Variants in TSPAN6 observed in about 807,000 individuals in gnomAD.
The protein encoded by TSPAN6 is tetraspanin 6.
TSPAN6 carries 13 observed loss-of-function variants against 18.0 expected under a neutral mutation model. The observed-to-expected ratio is 0.72, with a 90% CI of 0.47 to 1.15. The LOEUF is 1.15. Among genes scored for constraint, TSPAN6 ranks in the 50% most tolerant of loss-of-function variants. The pLI is 0.00. For synonymous variants in TSPAN6, 82 were observed against 67.0 expected (o/e 1.22, Z -1.09); for missense variants, 186 against 183.9 (o/e 1.01, Z -0.07).
chrX:100,633,495 A>G lies in TSPAN6; in HGVS notation c.495T>C (p.Thr165=). The change falls in exon 5 of 8, where the codon ACT becomes ACC. Residue 165 remains threonine, a synonymous_variant. Coordinates refer to ENST00000373020, the MANE Select transcript of TSPAN6 (RefSeq NM_003270.4). ...GAAATCCTTTTTCTGAGTAATAATT[A>G]GTATCTGTCCAATCTCTATAATCGG... ...GVTDYRDWTD[T]NYYSEKGFPK... is the part of the protein sequence containing the mutation. The G allele has an allele frequency of 8.3e-7, 1 of 1,207,564 alleles. No homozygotes were observed.
intron 3 of TSPAN6, among the ~76,000 whole-genome samples, 186 bp downstream of exon 3, chrX:100,634,992 A>G (rs1404905826): frequency 8.9e-6 from 1 of 112,550 alleles, no homozygotes; most frequent in Non-Finnish European, 1.9e-5. Flanking sequence ...TCTTCTGGTG[A>G]CTATCAGTCT....
At position 100,629,385 on chromosome X, in the gene TSPAN6, C is replaced by T. The variant is rs1010658025; in HGVS notation, c.*641G>A. The T allele has an allele frequency of 8.9e-6, 1 of 111,872 alleles. No individual in the cohort carries two copies. The highest frequency in any genetic ancestry group is 4.6e-3 in the Middle Eastern group (1 of 218). The allele number at this position is 111,872 out of a possible 1,213,427, so 9.2% of individuals were successfully genotyped here. On this transcript the variant is annotated 3_prime_UTR_variant, in exon 8 of 8. Coordinates refer to ENST00000373020, the MANE Select transcript of TSPAN6 (RefSeq NM_003270.4). ...GCCTTACACTGTTATCACCATCTGG[C>T]AACCCTGATGAGGGATGCCATCTAT...
In TSPAN6 at chrX:100,628,568, A is replaced by G. The variant is rs2083038917; in HGVS notation, c.*1458T>C. 8.9e-6 allele frequency: 1 copy of G among 111,940 alleles called. No individual in the cohort carries two copies. The highest frequency in any genetic ancestry group is 9.5e-5 in the Admixed American group (1 of 10,503). 9.2% of individuals were successfully genotyped at this position (111,940 alleles called of 1,213,427 possible). On this transcript the variant is annotated 3_prime_UTR_variant, in exon 8 of 8. Coordinates refer to ENST00000373020, the MANE Select transcript of TSPAN6 (RefSeq NM_003270.4). ...GACTTCAACTCAAATTTTAGTAATT[A>G]TTATTTTCCTTATTAATTTCCCTAT... is the stretch of plus-strand genomic sequence containing the variant.
In TSPAN6 at chrX:100,635,642, G is replaced by T. The variant is rs1054699; in HGVS notation, c.192C>A (p.Leu64=). ...GAATAATGACGGTACCAGTAGCAAT[G>T]AGCACGAAGGGGACATTGGTGGCCT... is the stretch of plus-strand genomic sequence containing the variant. The part of the protein sequence containing the change: ...NEKATNVPFV[L]IATGTVIILL... Residue 64 remains leucine (L), a synonymous_variant, in exon 2 of 8, where the codon CTC becomes CTA. Transcript: ENST00000373020. 8.3e-7 allele frequency: 1 copy of T among 1,201,889 alleles called. No individual in the cohort carries two copies. Among genetic ancestry groups the T allele is most frequent in the Admixed American group, 2.2e-5 (1 of 45,277 alleles).
Position 100,627,219 on chromosome X carries a change from T to C in TSPAN6, c.*2807A>G, listed in dbSNP as rs888359341. ...TAACAAGCTTTTCACACTTAAGATATACCTAGAGATTTCTGCTTCTCAAAA... is the reference window on the plus strand; with the variant it reads ...TAACAAGCTTTTCACACTTAAGATACACCTAGAGATTTCTGCTTCTCAAAA... On this transcript the variant is annotated 3_prime_UTR_variant, in exon 8 of 8. Coordinates refer to ENST00000373020, the MANE Select transcript of TSPAN6 (RefSeq NM_003270.4). 1 of 112,065 alleles carries C rather than the reference T, an allele frequency of 8.9e-6. No individual in the cohort carries two copies. The highest frequency in any genetic ancestry group is 3.2e-5 in the African/African-American group (1 of 30,851). 9.2% of individuals were successfully genotyped at this position (112,065 alleles called of 1,213,427 possible).
intron 3 of TSPAN6, 92 bp downstream of exon 3, chrX:100,635,086 A>G: frequency 1.2e-5 from 8 of 667,327 alleles, no homozygotes; most frequent in Non-Finnish European, 1.8e-5. Context: ...ACAGGTTTAA[A>G]TACAGAGGTC....
intron 5 of TSPAN6, 76 bp from the exon 6 acceptor site, chrX:100,632,644 G>A (rs989667785): frequency 3.4e-5 from 22 of 638,918 alleles, no homozygotes; most frequent in Non-Finnish European, 4.7e-5. Context: ...TAAATACTTC[G>A]ATCATATAAC....
rs1006184894 is a variant in TSPAN6 at position 100,632,629 on chromosome X, G to A, written c.586-61C>T. On this transcript the variant is annotated intron_variant, in intron 5 of 7. Coordinates refer to ENST00000373020, the MANE Select transcript of TSPAN6 (RefSeq NM_003270.4). Reference sequence around the variant, plus strand: ...ACAAGCAGCCTGTGCTTTTCTTTATGGTAATAAATACTTCGATCATATAAC... The same window carrying A: ...ACAAGCAGCCTGTGCTTTTCTTTATAGTAATAAATACTTCGATCATATAAC... 3.2e-5 allele frequency: 24 copies of A among 756,656 alleles called. No individual in the cohort carries two copies. In the East Asian group the frequency reaches 7.1e-4, roughly 22 times the overall value. The allele number at this position is 756,656 out of a possible 1,213,427, so 62.4% of individuals were successfully genotyped here.
rs778356735 is a variant in TSPAN6 at position 100,630,826 on chromosome X, A to G, written c.710T>C (p.Ile237Thr). The G allele has an allele frequency of 8.3e-7, 1 of 1,209,282 alleles. No individual in the cohort carries two copies. Among genetic ancestry groups the G allele is most frequent in the African/African-American group, 1.7e-5 (1 of 57,351 alleles). Residue 237 changes from isoleucine (I) to threonine (T), a missense_variant, in exon 7 of 8, where the codon ATA (isoleucine) becomes ACA (threonine). Physicochemically the swap from Ile to Thr is moderately conservative, Grantham distance 89. Coordinates refer to ENST00000373020, the MANE Select transcript of TSPAN6 (RefSeq NM_003270.4). Reference sequence around the variant, plus strand: ...CACTATCTCATACTGGTTATTTGTTATGGCACGAGAGAGGCAGTAGGCGAG... The same window carrying G: ...CACTATCTCATACTGGTTATTTGTTGTGGCACGAGAGAGGCAGTAGGCGAG... ...IFLAYCLSRA[I>T]TNNQYEIV
chrX:100,636,626 G>A lies in TSPAN6; in HGVS notation c.69C>T (p.Ile23=). Residue 23 remains isoleucine (I), a synonymous_variant, in exon 1 of 8, where the codon ATC becomes ATT. Transcript: ENST00000373020. ...CTCTCACCCAGAAAATAAAAGTGTA[G>A]ATTAGCAGAACGCTCTTGAAACAAG... ...VITCFKSVLL[I]YTFIFWITGV... The A allele has an allele frequency of 8.3e-7, 1 of 1,207,378 alleles. No individual in the cohort carries two copies. Among genetic ancestry groups the A allele is most frequent in the Non-Finnish European group, 1.1e-6 (1 of 893,417 alleles).
In TSPAN6 at chrX:100,633,899, G is replaced by A. The variant is rs769817821; in HGVS notation, c.450+32C>T. The A allele has an allele frequency of 4.0e-6, 4 of 1,008,626 alleles. No individual in the cohort carries two copies. The African/African-American group carries it at 7.8e-5, about 20-fold the overall frequency. The allele number at this position is 1,008,626 out of a possible 1,213,427, so 83.1% of individuals were successfully genotyped here. A position where few individuals can be genotyped will look rare whatever the true frequency, so the allele number is the denominator to read the frequency against. On this transcript the variant is annotated intron_variant, in intron 4 of 7. Coordinates refer to ENST00000373020, the MANE Select transcript of TSPAN6 (RefSeq NM_003270.4). ...TCTTTTCTCTGAGGCAACAGGGAAT[G>A]TGTTCCCCTCTAGGTGGTGGTTACC...
In TSPAN6 at chrX:100,631,518, CA is replaced by C. The variant is rs747631284; in HGVS notation, c.670-653del. ...AAAAAAAACGTTCAGAGCCACAAAA[CA>C]AACTTCATGCTACAGTGGGAAACAC... On this transcript the variant is annotated intron_variant, in intron 6 of 7. Transcript: ENST00000373020. Among the ~76,000 whole-genome samples the C allele has an allele frequency of 1.6e-3, 184 of 111,729 alleles. 2 individuals carry two copies. The South Asian group carries it at 0.022, about 13-fold the overall frequency.
rs753543353 is a variant in TSPAN6, at chrX:100,629,906, G to A, written c.*120C>T. The A allele has an allele frequency of 5.8e-5, 38 of 652,608 alleles. No individual in the cohort carries two copies. The highest frequency in any genetic ancestry group is 6.4e-5 in the Non-Finnish European group (35 of 547,807). 53.8% of individuals were successfully genotyped at this position (652,608 alleles called of 1,213,427 possible). A position where few individuals can be genotyped will look rare whatever the true frequency, so the allele number is the denominator to read the frequency against. The stretch of plus-strand genomic sequence containing the variant: ...TTGATTGAATCAACCTACTGGTGTA[G>A]TTTTTTGGTCTATCAGTAAGTAGTG... On this transcript the variant is annotated 3_prime_UTR_variant, in exon 8 of 8. Transcript: ENST00000373020.
intron 1 of TSPAN6, chrX:100,636,189 AC>A (rs2083093922): frequency 2.5e-6 from 2 of 789,831 alleles, no homozygotes; most frequent in African/African-American, 4.5e-5. Context: ...TACCATACTT[AC>A]CTGCGAAACA....
intron 3 of TSPAN6, among the ~76,000 whole-genome samples, chrX:100,634,910 T>G (rs1472392539): frequency 8.9e-6 from 1 of 112,628 alleles, no homozygotes; most frequent in Non-Finnish European, 1.9e-5. Flanking sequence ...AGCAAAGTTA[T>G]AAATTGTACT....
chrX:100,633,345 T>G (rs2083073091), intron 5 of TSPAN6, 60 bp downstream of exon 5: 1 of 1,133,153 alleles, frequency 8.8e-7, no homozygotes, highest in Non-Finnish European at 1.2e-6. Context: ...ACTGGGTCAA[T>G]TTTGCATTCA....
chrX:100,635,197 C>T lies in TSPAN6; in HGVS notation c.332G>A (p.Gly111Glu). The stretch of plus-strand genomic sequence containing the variant: ...GCTTACCTCATGTCTGAAAACAAAT[C>T]CTACGATGGCAGCGACCAGTTCGAC... ...FLVELVAAIV[G>E]FVFRHEIKNS... Residue 111 changes from glycine (G) to glutamate (E), a missense_variant, in exon 3 of 8, where the codon GGA (glycine) becomes GAA (glutamate). Coordinates refer to ENST00000373020, the MANE Select transcript of TSPAN6 (RefSeq NM_003270.4). 1 of 1,197,854 alleles carries T rather than the reference C, an allele frequency of 8.3e-7. No homozygotes were observed. The highest frequency in any genetic ancestry group is 1.1e-6 in the Non-Finnish European group (1 of 887,610).
rs978046993 is a variant in TSPAN6, at chrX:100,627,941, A to C, written c.*2085T>G. On this transcript the variant is annotated 3_prime_UTR_variant, in exon 8 of 8. Transcript: ENST00000373020. Reference sequence around the variant, plus strand: ...ATTCTCCTGCCTCAGTCTCCCAAGTAGCTGGGATTACAGGTGCTTGCCACC... The same window carrying C: ...ATTCTCCTGCCTCAGTCTCCCAAGTCGCTGGGATTACAGGTGCTTGCCACC... 2.7e-5 allele frequency: 3 copies of C among 109,278 alleles called. No individual in the cohort carries two copies. Among genetic ancestry groups the C allele is most frequent in the Non-Finnish European group, 5.7e-5 (3 of 52,590 alleles). The allele number at this position is 109,278 out of a possible 1,213,427, so 9.0% of individuals were successfully genotyped here.
rs1452487142 is a variant in TSPAN6 at position 100,629,206 on chromosome X, T to C, written c.*820A>G. On this transcript the variant is annotated 3_prime_UTR_variant, in exon 8 of 8. Coordinates refer to ENST00000373020, the MANE Select transcript of TSPAN6 (RefSeq NM_003270.4). ...GGAAAATACAACAATTCCGACACCA[T>C]TTAATAATTAGAAACTTTCAAACAA... 1 of 112,123 alleles carries C rather than the reference T, an allele frequency of 8.9e-6. No individual in the cohort carries two copies. The highest frequency in any genetic ancestry group is 1.9e-5 in the Non-Finnish European group (1 of 53,235). 9.2% of individuals were successfully genotyped at this position (112,123 alleles called of 1,213,427 possible).
Sources: gnomAD v4.1 joint callset for allele counts (sites outside exome capture counted in the v4.1 genomes callset) on GRCh38, gnomAD v4.1.1 for gene constraint, MANE v1.5 for transcripts, NCBI Gene and HGNC (gene_info 2026-07-23, HGNC 2026-07-21) for gene names.